Variants in ROR1 observed in about 807,000 individuals in gnomAD.
ROR1 encodes the protein inactive tyrosine-protein kinase transmembrane receptor ROR1.
A neutral mutation model predicts 78.8 loss-of-function variants in ROR1; 19 were observed. The ratio of observed to expected loss-of-function variants is 0.24; its 90% confidence interval spans 0.17 to 0.35. The LOEUF (loss-of-function observed/expected upper bound fraction) is 0.35. Among genes scored for constraint, ROR1 ranks in the 10% least tolerant of loss-of-function variants. ROR1 has a pLI of 1.00. For synonymous variants in ROR1, 386 were observed against 433.6 expected, an observed-to-expected ratio of 0.89 and a Z score of 1.36; for missense variants, 917 against 1,177.8, an observed-to-expected ratio of 0.78 and a Z score of 3.24.
chr1:64,115,282 C>T (rs1471506305), intron 4 of ROR1, among the ~76,000 whole-genome samples: 2 of 152,150 alleles, frequency 1.3e-5, no homozygotes, highest in East Asian at 3.8e-4. Flanking sequence ...GTGGTGCAAT[C>T]ATAGCTCACT....
chr1:63,834,280 G>T (rs902851879), intron 1 of ROR1, among the ~76,000 whole-genome samples: 2 of 151,928 alleles, frequency 1.3e-5, no homozygotes, highest in Non-Finnish European at 2.9e-5. Flanking sequence ...AGAGTCTAGT[G>T]TGGTGTCTCT....
chr1:63,974,300 G>A (rs970537273), intron 1 of ROR1, among the ~76,000 whole-genome samples: 1 of 151,964 alleles, frequency 6.6e-6, no homozygotes, highest in South Asian at 2.1e-4. Flanking sequence ...TTAGCAAAAT[G>A]GAAATATTAA....
At chr1:64,026,157 T>C (rs866547229) in intron 2 of ROR1, among the ~76,000 whole-genome samples, 2 of 152,136 alleles carry the variant, frequency 1.3e-5, no homozygotes, top group South Asian at 4.1e-4. Flanking sequence ...ATTCTCACTC[T>C]TCTGTGTTTT....
chr1:63,846,428 G>A (rs1195377520), intron 1 of ROR1, among the ~76,000 whole-genome samples: 4 of 152,064 alleles, frequency 2.6e-5, no homozygotes, highest in Non-Finnish European at 5.9e-5. Flanking sequence ...ATGTCAAGGT[G>A]GGGGCCCTAT....
At chr1:63,952,498 G>A (rs1470633998) in intron 1 of ROR1, among the ~76,000 whole-genome samples, 1 of 152,142 alleles carries the variant, frequency 6.6e-6, no homozygotes, top group African/African-American at 2.4e-5. Context: ...GCAGAGTTCA[G>A]CATAGAAAGA....
Position 63,801,265 on chromosome 1 carries a change from G to T in ROR1, c.91+26757G>T, listed in dbSNP as rs2172837. ...TGAATCTTCTACTCATAACATGGAC[G>T]TATTATGTGGCTGTATTTATGGGTA... On this transcript the variant is annotated intron_variant, in intron 1 of 8. Transcript: ENST00000371079. Among the ~76,000 whole-genome samples the T allele has an allele frequency of 6.2e-4, 95 of 152,122 alleles. 1 individual carries two copies. Among genetic ancestry groups the T allele is most frequent in the African/African-American group, 2.2e-3 (92 of 41,478 alleles).
chr1:63,958,749 T>G (rs974934324), intron 1 of ROR1, among the ~76,000 whole-genome samples: 5 of 152,220 alleles, frequency 3.3e-5, no homozygotes, highest in Non-Finnish European at 7.3e-5. Flanking sequence ...AAATAGCTGC[T>G]GGCACTCCAT....
At chr1:63,832,663 C>T (rs1240443718) in intron 1 of ROR1, among the ~76,000 whole-genome samples, 2 of 152,314 alleles carry the variant, frequency 1.3e-5, no homozygotes, top group East Asian at 3.9e-4. Context: ...ACAGTCAGTG[C>T]TGCTATAACA....
intron 4 of ROR1, among the ~76,000 whole-genome samples, chr1:64,075,998 G>A (rs1479402646): frequency 1.3e-5 from 2 of 152,174 alleles, no homozygotes; most frequent in African/African-American, 4.8e-5. Context: ...GTGATATTCT[G>A]TGCCTCACCT....
At chr1:63,879,401 A>G (rs578180078) in intron 1 of ROR1, among the ~76,000 whole-genome samples, 64 of 152,272 alleles carry the variant, frequency 4.2e-4, no homozygotes, top group African/African-American at 1.4e-3. Flanking sequence ...GAAAGCCTGT[A>G]TATAATTTAG....
At chr1:63,835,934 C>A (rs993791076) in intron 1 of ROR1, among the ~76,000 whole-genome samples, 4 of 152,128 alleles carry the variant, frequency 2.6e-5, no homozygotes, top group Non-Finnish European at 5.9e-5. Flanking sequence ...TGACACTAGC[C>A]CCACAGAAAC....
At chr1:64,039,484 C>T (rs1042314314) in intron 2 of ROR1, among the ~76,000 whole-genome samples, 1 of 152,162 alleles carries the variant, frequency 6.6e-6, no homozygotes, top group African/African-American at 2.4e-5. Flanking sequence ...TATGACTGGG[C>T]AAGCCACTGC....
At chr1:64,013,825 A>C (rs1646496700) in intron 2 of ROR1, among the ~76,000 whole-genome samples, 1 of 152,246 alleles carries the variant, frequency 6.6e-6, no homozygotes. Flanking sequence ...CTTTAAAGTC[A>C]GGGTTTGCCT....
At chr1:64,148,004 G>T (rs1268373695) in intron 7 of ROR1, among the ~76,000 whole-genome samples, 1 of 152,134 alleles carries the variant, frequency 6.6e-6, no homozygotes. Flanking sequence ...GAATCATCTA[G>T]CCCAAAATGT....
chr1:64,058,183 C>G (rs927213245), intron 4 of ROR1, among the ~76,000 whole-genome samples: 1 of 152,100 alleles, frequency 6.6e-6, no homozygotes, highest in African/African-American at 2.4e-5. Context: ...GATCTTATAT[C>G]CTATACCCTT....
At position 64,121,059 on chromosome 1, in the gene ROR1, C is replaced by CTT. The variant is rs200292093; in HGVS notation, c.483-16272_483-16271dup. ...CCACACTCCAGTCAGGGAGATACCCCTTTTTTTTTTTTTTTTTTTTTTTTT... is the reference window on the plus strand; with the variant it reads ...CCACACTCCAGTCAGGGAGATACCCCTTTTTTTTTTTTTTTTTTTTTTTTTTT... On this transcript the variant is annotated intron_variant, in intron 4 of 8. Coordinates refer to ENST00000371079, the MANE Select transcript of ROR1 (RefSeq NM_005012.4). 6.3e-3 allele frequency among the ~76,000 whole-genome samples: 515 copies of CTT among 81,966 alleles called. 39 individuals carry two copies. Among genetic ancestry groups the CTT allele is most frequent in the African/African-American group, 8.4e-3 (131 of 15,518 alleles). The allele number at this position is 81,966 out of a possible 152,430, so 53.8% of individuals were successfully genotyped here. A position where few individuals can be genotyped will look rare whatever the true frequency, so the allele number is the denominator to read the frequency against.
At chr1:64,034,547 C>T (rs1646686036) in intron 2 of ROR1, among the ~76,000 whole-genome samples, 1 of 152,096 alleles carries the variant, frequency 6.6e-6, no homozygotes, top group African/African-American at 2.4e-5. Flanking sequence ...CTCTCTCATA[C>T]TCTCTCTCAC....
At chr1:64,051,462 T>TAAAA in intron 4 of ROR1, among the ~76,000 whole-genome samples, 1 of 30,006 alleles carries the variant, frequency 3.3e-5, no homozygotes, top group African/African-American at 6.1e-5. Context: ...AAATAAAAAA[T>TAAAA]AAAATAAAAT....
chr1:64,049,265 C>A lies in ROR1; in HGVS notation c.164-426C>A, dbSNP rs918914857. 3.3e-5 allele frequency among the ~76,000 whole-genome samples: 5 copies of A among 152,186 alleles called. No homozygotes were observed. In the South Asian group the frequency reaches 1.0e-3, roughly 32 times the overall value. On this transcript the variant is annotated intron_variant, in intron 2 of 8. Transcript: ENST00000371079. ...CTACTTTTCCAATTTTTGATGCTTT[C>A]TTTCTTATCAAAAGTGAGCAAACTG...
Sources: gnomAD v4.1 joint callset for allele counts (sites outside exome capture counted in the v4.1 genomes callset) on GRCh38, gnomAD v4.1.1 for gene constraint, MANE v1.5 for transcripts, NCBI Gene and HGNC (gene_info 2026-07-23, HGNC 2026-07-21) for gene names.